UBE2D2: variants seen among roughly 807,000 people sequenced by gnomAD.
The protein encoded by UBE2D2 is ubiquitin conjugating enzyme E2 D2, also known as ubiquitin-conjugating enzyme E2 D2.
UBE2D2 carries 2 observed loss-of-function variants against 24.2 expected under a neutral mutation model. That is an observed-to-expected ratio of 0.08 (90% CI 0.03 to 0.26). UBE2D2 has a LOEUF of 0.26. Among genes scored for constraint, UBE2D2 ranks in the 10% least tolerant of loss-of-function variants. The probability of loss-of-function intolerance (pLI) is 1.00; values close to 1 mark genes in which losing one functional copy is unlikely to be tolerated. For synonymous variants in UBE2D2, 58 were observed against 56.5 expected (o/e 1.03, Z -0.12); for missense variants, 44 against 177.6 (o/e 0.25, Z 4.28).
In UBE2D2 at chr5:139,622,679, G is replaced by A. The variant is rs541836069; in HGVS notation, c.305-689G>A. Among the ~76,000 whole-genome samples the A allele has an allele frequency of 2.6e-4, 39 of 150,816 alleles. No individual in the cohort carries two copies. The East Asian group carries it at 7.9e-3, about 30-fold the overall frequency. ...CCAAGGTGGGCGGATCACGAGGTCA[G>A]GAGATCGAGACCATCCTGGCTAACA... is the stretch of plus-strand genomic sequence containing the variant. On this transcript the variant is annotated intron_variant, in intron 5 of 6. Transcript: ENST00000398733.
chr5:139,563,470 T>C (rs1274666291), intron 1 of UBE2D2, among the ~76,000 whole-genome samples: 1 of 151,194 alleles, frequency 6.6e-6, no homozygotes. Flanking sequence ...CACTGAGGAG[T>C]AGTCATCCAA....
Position 139,623,420 on chromosome 5 carries a change from A to G in UBE2D2, c.357A>G (p.Leu119=). ...LLCDPNPDDP[L]VPEIARIYKT... Reference sequence around the variant, plus strand: ...GTGATCCCAATCCAGATGATCCTTTAGTGCCTGAGATTGCTCGGATCTACA... The same window carrying G: ...GTGATCCCAATCCAGATGATCCTTTGGTGCCTGAGATTGCTCGGATCTACA... Residue 119 remains leucine (L), a synonymous_variant, in exon 6 of 7, where the codon TTA becomes TTG. Coordinates refer to ENST00000398733, the MANE Select transcript of UBE2D2 (RefSeq NM_003339.3). 1 of 1,603,594 alleles carries G rather than the reference A, an allele frequency of 6.2e-7. No homozygotes were observed. The highest frequency in any genetic ancestry group is 1.1e-5 in the South Asian group (1 of 90,012).
chr5:139,547,615 T>C (rs1182278825), intron 1 of UBE2D2, among the ~76,000 whole-genome samples: 1 of 151,924 alleles, frequency 6.6e-6, no homozygotes, highest in Non-Finnish European at 1.5e-5. Flanking sequence ...GTTCAAGCAG[T>C]TCTCTACCTC....
At chr5:139,561,996 C>T (rs1016936145) in intron 1 of UBE2D2, 181 bp downstream of exon 1, 6 of 964,744 alleles carry the variant, frequency 6.2e-6, no homozygotes, top group Non-Finnish European at 8.6e-6. Context: ...GGCGCGCAGC[C>T]CGCGCTTAGG....
At chr5:139,609,171 C>T (rs1043294045) in intron 2 of UBE2D2, among the ~76,000 whole-genome samples, 2 of 152,086 alleles carry the variant, frequency 1.3e-5, no homozygotes, top group East Asian at 3.9e-4. Context: ...AAAGATTGAT[C>T]CTGAAAAGAC....
intron 1 of UBE2D2, among the ~76,000 whole-genome samples, chr5:139,528,609 A>G (rs1279104396): frequency 6.6e-6 from 1 of 152,210 alleles, no homozygotes; most frequent in African/African-American, 2.4e-5. Flanking sequence ...ACCTAAACAT[A>G]AAGTCCCCCC....
At chr5:139,620,961 A>G (rs1051362452) in intron 5 of UBE2D2, among the ~76,000 whole-genome samples, 1 of 152,228 alleles carries the variant, frequency 6.6e-6, no homozygotes. Flanking sequence ...AATGATAGAT[A>G]TGGCCGGGTG....
At chr5:139,581,183 T>A (rs927000465) in intron 1 of UBE2D2, among the ~76,000 whole-genome samples, 3 of 152,112 alleles carry the variant, frequency 2.0e-5, no homozygotes, top group African/African-American at 7.2e-5. Context: ...GCGTGGTGGC[T>A]CACGCCTGTA....
upstream of UBE2D2, among the ~76,000 whole-genome samples, chr5:139,560,274 G>T (rs1374344330): frequency 6.8e-6 from 1 of 146,390 alleles, no homozygotes; most frequent in African/African-American, 2.5e-5. Context: ...CTCGGCTCAC[G>T]GCAACCTCCG....
chr5:139,598,235 C>T (rs995402262), intron 1 of UBE2D2, among the ~76,000 whole-genome samples: 7 of 152,098 alleles, frequency 4.6e-5, no homozygotes, highest in Non-Finnish European at 7.3e-5. Context: ...GCTTTGTGTA[C>T]TCCAAGCTTA....
Position 139,627,792 on chromosome 5 carries a change from A to T in UBE2D2, c.*991A>T, listed in dbSNP as rs1245901939. On this transcript the variant is annotated 3_prime_UTR_variant, in exon 7 of 7. Coordinates refer to ENST00000398733, the MANE Select transcript of UBE2D2 (RefSeq NM_003339.3). ...TGAAATGTTCATTTATACTGGTTGCATTTTAAGATCATGAAACAATTCCAG... is the reference window on the plus strand; with the variant it reads ...TGAAATGTTCATTTATACTGGTTGCTTTTTAAGATCATGAAACAATTCCAG... 6.6e-6 allele frequency: 1 copy of T among 152,658 alleles called. No homozygotes were observed. The highest frequency in any genetic ancestry group is 1.5e-5 in the Non-Finnish European group (1 of 68,038). 9.5% of individuals were successfully genotyped at this position (152,658 alleles called of 1,614,324 possible).
chr5:139,591,891 C>G (rs927595168), intron 1 of UBE2D2, among the ~76,000 whole-genome samples: 2 of 152,056 alleles, frequency 1.3e-5, no homozygotes, highest in Admixed American at 1.3e-4. Context: ...ACAGACTGCT[C>G]CCCTTCAATC....
intron 1 of UBE2D2, among the ~76,000 whole-genome samples, chr5:139,578,567 C>T (rs1405821241): frequency 5.3e-5 from 8 of 151,974 alleles, no homozygotes; most frequent in Admixed American, 5.3e-4. Context: ...ATCCTCCCAC[C>T]TCAGCCTTTC....
chr5:139,599,836 C>A (rs550733252), intron 1 of UBE2D2, among the ~76,000 whole-genome samples: 1 of 152,012 alleles, frequency 6.6e-6, no homozygotes, highest in Non-Finnish European at 1.5e-5. Flanking sequence ...TGGAGTCTCG[C>A]TCTATCACCC....
At chr5:139,580,660 T>C (rs772534287) in intron 1 of UBE2D2, among the ~76,000 whole-genome samples, 2 of 152,076 alleles carry the variant, frequency 1.3e-5, no homozygotes, top group Non-Finnish European at 2.9e-5. Flanking sequence ...GTTAGCCAGA[T>C]GATCTCGATC....
At chr5:139,548,360 C>G (rs913919841) in intron 1 of UBE2D2, among the ~76,000 whole-genome samples, 10 of 151,658 alleles carry the variant, frequency 6.6e-5, no homozygotes, top group African/African-American at 2.4e-4. Context: ...TGGATTGAAC[C>G]GCCAGACTGT....
intron 2 of UBE2D2, among the ~76,000 whole-genome samples, chr5:139,612,607 G>A (rs1016295881): frequency 1.3e-5 from 2 of 152,202 alleles, no homozygotes; most frequent in Non-Finnish European, 1.5e-5. Context: ...AAAGAATTAA[G>A]TAGAAGAACA....
chr5:139,608,041 T>TAC (rs1364403771), intron 2 of UBE2D2, among the ~76,000 whole-genome samples: 1 of 151,878 alleles, frequency 6.6e-6, no homozygotes, highest in Admixed American at 6.6e-5. Flanking sequence ...AACTTAAATA[T>TAC]ACAATATGCT....
At position 139,561,525 on chromosome 5, in the gene UBE2D2, G is replaced by A. The variant is rs558813862; in HGVS notation, c.-267G>A. On this transcript the variant is annotated 5_prime_UTR_variant, in exon 1 of 7. Coordinates refer to ENST00000398733, the MANE Select transcript of UBE2D2 (RefSeq NM_003339.3). The stretch of plus-strand genomic sequence containing the variant: ...GAGGCGGCGCTGATCCTGGGAGGAA[G>A]AGGCAGCTACGGCGGCGGCGGCGGT... The A allele has an allele frequency of 4.9e-4, 202 of 416,480 alleles. 1 individual carries two copies. Among genetic ancestry groups the A allele is most frequent in the Admixed American group, 1.2e-3 (26 of 22,324 alleles). 25.8% of individuals were successfully genotyped at this position (416,480 alleles called of 1,614,324 possible).
Sources: gnomAD v4.1 joint callset for allele counts (sites outside exome capture counted in the v4.1 genomes callset) on GRCh38, gnomAD v4.1.1 for gene constraint, MANE v1.5 for transcripts, NCBI Gene and HGNC (gene_info 2026-07-23, HGNC 2026-07-21) for gene names.